The following MAD1L1 variants were observed in gnomAD, a reference collection of about 807,000 sequenced individuals.
MAD1L1 encodes the protein mitotic arrest deficient 1 like 1.
A neutral mutation model predicts 96.9 loss-of-function variants in MAD1L1; 95 were observed. The observed-to-expected ratio is 0.98, with a 90% CI of 0.83 to 1.16. The LOEUF is 1.16. Ranked by LOEUF, MAD1L1 falls within the 50% of genes most tolerant of loss-of-function variation. The probability of loss-of-function intolerance (pLI) is 0.00; values close to 1 mark genes in which losing one functional copy is unlikely to be tolerated. For synonymous variants in MAD1L1, 473 were observed against 396.6 expected, an observed-to-expected ratio of 1.19 and a Z score of -2.29; for missense variants, 1,007 against 954.4, an observed-to-expected ratio of 1.06 and a Z score of -0.73.
intron 17 of MAD1L1, among the ~76,000 whole-genome samples, chr7:1,928,923 G>T (rs1562531758): frequency 6.6e-6 from 1 of 152,222 alleles, no homozygotes; most frequent in Non-Finnish European, 1.5e-5. Flanking sequence ...CACCTGTGGG[G>T]CCAGCGCCAG....
At chr7:1,896,390 G>A (rs1234462690) in intron 18 of MAD1L1, among the ~76,000 whole-genome samples, 2 of 152,164 alleles carry the variant, frequency 1.3e-5, no homozygotes, top group Non-Finnish European at 2.9e-5. Context: ...CATGCTCGAG[G>A]GTATGACGGG....
chr7:1,851,888 G>C (rs1783997817), intron 18 of MAD1L1, among the ~76,000 whole-genome samples: 1 of 152,242 alleles, frequency 6.6e-6, no homozygotes, highest in Non-Finnish European at 1.5e-5. Flanking sequence ...TGGTTCGCCT[G>C]GCTGCTGCCC....
At chr7:2,113,087 G>T (rs578097735) in intron 11 of MAD1L1, among the ~76,000 whole-genome samples, 1 of 139,224 alleles carries the variant, frequency 7.2e-6, no homozygotes, top group Non-Finnish European at 1.6e-5. Context: ...CTCAGGAAAC[G>T]GGGACGAGGG....
intron 17 of MAD1L1, among the ~76,000 whole-genome samples, chr7:1,928,467 G>A (rs1249961659): frequency 1.3e-5 from 2 of 152,094 alleles, no homozygotes; most frequent in Admixed American, 6.5e-5. Context: ...AGCCCACGAC[G>A]GAACTCCTGC....
chr7:2,061,735 C>G (rs183455031), intron 12 of MAD1L1, among the ~76,000 whole-genome samples: 2 of 152,276 alleles, frequency 1.3e-5, no homozygotes, highest in Non-Finnish European at 2.9e-5. Context: ...CAAGAGTCAA[C>G]ACCCCCATGC....
intron 13 of MAD1L1, among the ~76,000 whole-genome samples, chr7:2,002,445 CTG>C (rs1781841410): frequency 6.6e-6 from 1 of 152,220 alleles, no homozygotes. Flanking sequence ...CCAAGAGGGA[CTG>C]TGGAACTGGG....
intron 18 of MAD1L1, among the ~76,000 whole-genome samples, chr7:1,851,041 C>T (rs559282486): frequency 2.6e-5 from 4 of 152,336 alleles, no homozygotes; most frequent in South Asian, 2.1e-4. Flanking sequence ...CGTGGCAGCC[C>T]GGCTGGAGCC....
At chr7:2,229,371 C>G (rs1418044100) in intron 3 of MAD1L1, among the ~76,000 whole-genome samples, 2 of 152,250 alleles carry the variant, frequency 1.3e-5, no homozygotes, top group Non-Finnish European at 2.9e-5. Flanking sequence ...GCTCATCACT[C>G]TTTGGAGCCT....
chr7:2,217,903 G>C, intron 7 of MAD1L1, 59 bp downstream of exon 7: 1 of 1,421,702 alleles, frequency 7.0e-7, no homozygotes, highest in Non-Finnish European at 9.9e-7. Context: ...GCCGACAGGG[G>C]CAGGAGAGTC....
Position 2,088,446 on chromosome 7 carries a change from T to C in MAD1L1, c.1074-19108A>G, listed in dbSNP as rs1786039749. Among the ~76,000 whole-genome samples the C allele has an allele frequency of 6.6e-6, 1 of 151,934 alleles. No individual in the cohort carries two copies. The highest frequency in any genetic ancestry group is 1.5e-5 in the Non-Finnish European group (1 of 67,954). On this transcript the variant is annotated intron_variant, in intron 11 of 18. Coordinates refer to ENST00000265854, the MANE Select transcript of MAD1L1 (RefSeq NM_001013836.2). This position sits in a 1 kb window ranked among gnomAD's most constrained non-coding sequence, Gnocchi z 4.4. ...TCCGTCCCACCATGGCAGTCTGAGC[T>C]CCACTGAACCCCAGAGAGGCTCCCC... is the stretch of plus-strand genomic sequence containing the variant.
At chr7:1,842,277 C>G (rs1181417845) in intron 18 of MAD1L1, among the ~76,000 whole-genome samples, 1 of 152,288 alleles carries the variant, frequency 6.6e-6, no homozygotes, top group East Asian at 1.9e-4. Flanking sequence ...TCACAGACAC[C>G]CTTCCCACCT....
At chr7:2,053,630 G>A (rs73283510) in intron 12 of MAD1L1, among the ~76,000 whole-genome samples, 8,092 of 152,262 alleles carry the variant, frequency 0.053, 390 homozygotes, top group African/African-American at 0.12. Flanking sequence ...CGCACAGCAC[G>A]TTCCAGCCAG....
intron 11 of MAD1L1, among the ~76,000 whole-genome samples, chr7:2,111,078 G>C (rs1787352388): frequency 6.6e-6 from 1 of 152,200 alleles, no homozygotes; most frequent in Non-Finnish European, 1.5e-5. Context: ...CAAGTCCACA[G>C]GGCACGCTGC....
At chr7:2,021,083 G>C (rs903263547) in intron 12 of MAD1L1, among the ~76,000 whole-genome samples, 6 of 152,178 alleles carry the variant, frequency 3.9e-5, no homozygotes, top group African/African-American at 9.7e-5. Flanking sequence ...TAAGAACAGT[G>C]GGATGACCGT....
intron 18 of MAD1L1, among the ~76,000 whole-genome samples, chr7:1,887,702 C>T (rs1339609131): frequency 1.5e-5 from 2 of 137,850 alleles, no homozygotes; most frequent in Admixed American, 1.5e-4. Flanking sequence ...GCTGTGCATG[C>T]ATAGGCATGT....
chr7:1,949,094 G>C (rs886190631), intron 16 of MAD1L1, among the ~76,000 whole-genome samples: 1 of 152,156 alleles, frequency 6.6e-6, no homozygotes, highest in Non-Finnish European at 1.5e-5. Flanking sequence ...ACGCTGCCCG[G>C]GCCCTGCTCC....
rs910176994 is a variant in MAD1L1 at position 2,114,087 on chromosome 7, T to C, written c.1073+35065A>G. Among the ~76,000 whole-genome samples, 9 of 152,188 alleles carry C rather than the reference T, an allele frequency of 5.9e-5. No homozygotes were observed. The highest frequency in any genetic ancestry group is 1.9e-4 in the African/African-American group (8 of 41,450). ...CCCAGGCCTTACAGCTTCTGATAAC[T>C]GTACACGGGCTCACAAGACGTTACC... On this transcript the variant is annotated intron_variant, in intron 11 of 18. Transcript: ENST00000265854. This position sits in a 1 kb window ranked among gnomAD's most constrained non-coding sequence, Gnocchi z 4.2.
intron 18 of MAD1L1, among the ~76,000 whole-genome samples, chr7:1,822,896 C>T (rs961319363): frequency 1.3e-5 from 2 of 151,902 alleles, no homozygotes; most frequent in Non-Finnish European, 2.9e-5. Context: ...GCTGGGGCAG[C>T]GCTGGAGGGG....
At chr7:1,980,705 C>T in intron 14 of MAD1L1, 164 bp from the exon 15 acceptor site, 1 of 711,508 alleles carries the variant, frequency 1.4e-6, no homozygotes, top group Non-Finnish European at 2.6e-6. Context: ...CCAGGCCAGA[C>T]AGCACTCTAA....
Sources: allele counts gnomAD v4.1 joint callset (sites outside exome capture counted in the v4.1 genomes callset), GRCh38; gene constraint gnomAD v4.1.1; non-coding constraint Gnocchi (gnomAD v3.1); transcripts MANE v1.5; gene names NCBI Gene and HGNC (gene_info 2026-07-23, HGNC 2026-07-21).